SLC30A4: variants seen among roughly 807,000 people sequenced by gnomAD.
The protein encoded by SLC30A4 is probable proton-coupled zinc antiporter SLC30A4.
SLC30A4 carries 20 observed loss-of-function variants against 41.7 expected under a neutral mutation model. The observed-to-expected ratio is 0.48, with a 90% CI of 0.34 to 0.70. The LOEUF (loss-of-function observed/expected upper bound fraction) is 0.70. SLC30A4 is among the 30% of genes least tolerant of loss of function. The pLI, the probability that SLC30A4 is intolerant of heterozygous loss-of-function variation, is 0.01. For missense variants in SLC30A4, 441 were observed against 529.3 expected (o/e 0.83, Z 1.64); for synonymous variants, 181 against 195.9 (o/e 0.92, Z 0.64).
chr15:45,503,948 AAAAT>A (rs759138085), intron 3 of SLC30A4, among the ~76,000 whole-genome samples: 2 of 152,080 alleles, frequency 1.3e-5, no homozygotes, highest in African/African-American at 2.4e-5. Context: ...CTCAGTCTCC[AAAAT>A]AAATAAATAA....
At chr15:45,513,725 G>C (rs1010719894) in intron 2 of SLC30A4, 1 of 152,088 alleles carries the variant, frequency 6.6e-6, no homozygotes, top group African/African-American at 2.4e-5. Context: ...AAACCAACAG[G>C]CCACAATCAC....
At chr15:45,494,217 T>C (rs1202873038) in intron 3 of SLC30A4, among the ~76,000 whole-genome samples, 1 of 152,122 alleles carries the variant, frequency 6.6e-6, no homozygotes, top group Non-Finnish European at 1.5e-5. Context: ...GGGAAGATGA[T>C]AAAAGGCTAT....
intron 4 of SLC30A4, among the ~76,000 whole-genome samples, chr15:45,490,477 G>T (rs1032258760): frequency 6.6e-5 from 10 of 152,086 alleles, no homozygotes; most frequent in African/African-American, 2.4e-4. Flanking sequence ...TAACACAAAA[G>T]TATTCTAAAA....
At chr15:45,492,773 C>T (rs1891834304) in intron 3 of SLC30A4, among the ~76,000 whole-genome samples, 1 of 151,924 alleles carries the variant, frequency 6.6e-6, no homozygotes, top group South Asian at 2.1e-4. Flanking sequence ...TAAATAATCA[C>T]CTGTAAATGC....
At position 45,488,895 on chromosome 15, in the gene SLC30A4, T is replaced by A. The variant is rs777696304; in HGVS notation, c.840A>T (p.Gly280=). ...AVRAAFVHAL[G]DLVQSVGVLI... Reference sequence around the variant, plus strand: ...GCACACCAACACTCTGTACCAAATCTCCCAAAGCATGTACAAATGCAGCTC... The same window carrying A: ...GCACACCAACACTCTGTACCAAATCACCCAAAGCATGTACAAATGCAGCTC... Residue 280 remains glycine (G), a synonymous_variant, in exon 5 of 8, where the codon GGA becomes GGT. Transcript: ENST00000261867. 6.2e-7 allele frequency: 1 copy of A among 1,614,034 alleles called. No homozygotes were observed. The highest frequency in any genetic ancestry group is 8.5e-7 in the Non-Finnish European group (1 of 1,179,988).
chr15:45,506,815 T>C (rs894911663), intron 3 of SLC30A4, among the ~76,000 whole-genome samples: 8 of 152,222 alleles, frequency 5.3e-5, no homozygotes, highest in African/African-American at 1.9e-4. Flanking sequence ...CTTTCATTTT[T>C]TTAGATGACT....
rs145487046 is a variant in SLC30A4 at position 45,493,615 on chromosome 15, C to T, written c.539-2734G>A. Among the ~76,000 whole-genome samples the T allele has an allele frequency of 6.2e-3, 951 of 152,268 alleles. 8 individuals carry two copies. The highest frequency in any genetic ancestry group is 0.022 in the African/African-American group (924 of 41,560). The stretch of plus-strand genomic sequence containing the variant: ...GGCCGAGGCGGGCGGATCACAAGGT[C>T]AGGAGTTCGAGACCAGCCTGGCCAA... On this transcript the variant is annotated intron_variant, in intron 3 of 7. Transcript: ENST00000261867.
At chr15:45,499,081 A>ATTT (rs58257947) in intron 3 of SLC30A4, among the ~76,000 whole-genome samples, 6 of 132,882 alleles carry the variant, frequency 4.5e-5, no homozygotes, top group Admixed American at 1.6e-4. Context: ...GCCTAGGCTG[A>ATTT]TTTTTTTTTT....
intron 5 of SLC30A4, 56 bp from the exon 6 acceptor site, chr15:45,487,688 C>A (rs1014176290): frequency 2.5e-6 from 2 of 811,496 alleles, no homozygotes; most frequent in South Asian, 1.5e-5. Context: ...AAACAGACTG[C>A]AAAGCAAAGC....
intron 2 of SLC30A4, among the ~76,000 whole-genome samples, chr15:45,516,594 T>A (rs1455515023): frequency 6.6e-6 from 1 of 152,102 alleles, no homozygotes; most frequent in Non-Finnish European, 1.5e-5. Context: ...AGAGGCCAGG[T>A]ATGGTGGCTC....
chr15:45,500,724 C>T (rs145671883), intron 3 of SLC30A4, among the ~76,000 whole-genome samples: 322 of 150,946 alleles, frequency 2.1e-3, no homozygotes, highest in Non-Finnish European at 3.2e-3. Flanking sequence ...CTCTTGTTGC[C>T]CAGGCTGGAA....
rs992259324 is a variant in SLC30A4 at position 45,481,825 on chromosome 15, T to C, written c.*3338A>G. On this transcript the variant is annotated 3_prime_UTR_variant, in exon 8 of 8. Coordinates refer to ENST00000261867, the MANE Select transcript of SLC30A4 (RefSeq NM_013309.6). ...AAATTCTCAAATCTCATAGACTCCG[T>C]AAGGTAAAGATACAAACTATGTACT... 6.6e-6 allele frequency: 1 copy of C among 152,144 alleles called. No homozygotes were observed. Among genetic ancestry groups the C allele is most frequent in the Non-Finnish European group, 1.5e-5 (1 of 68,018 alleles). The allele number at this position is 152,144 out of a possible 1,614,324, so 9.4% of individuals were successfully genotyped here. A position where few individuals can be genotyped will look rare whatever the true frequency, so the allele number is the denominator to read the frequency against.
intron 4 of SLC30A4, among the ~76,000 whole-genome samples, chr15:45,490,173 T>C (rs373811651): frequency 3.9e-5 from 6 of 152,154 alleles, no homozygotes; most frequent in East Asian, 3.9e-4. Context: ...CTCAATGCAG[T>C]CTTGATTGCC....
intron 2 of SLC30A4, among the ~76,000 whole-genome samples, chr15:45,517,011 A>G (rs925555293): frequency 6.6e-6 from 1 of 151,936 alleles, no homozygotes; most frequent in African/African-American, 2.4e-5. Context: ...GTTTATATAC[A>G]CTCTCAATTA....
chr15:45,509,265 T>G (rs1892226728), intron 3 of SLC30A4, among the ~76,000 whole-genome samples: 4 of 151,606 alleles, frequency 2.6e-5, no homozygotes, highest in Middle Eastern at 3.4e-3. Context: ...TTTTTTTTTT[T>G]TGAGAGAGAC....
At chr15:45,502,671 A>T (rs1892063174) in intron 3 of SLC30A4, 1 of 152,396 alleles carries the variant, frequency 6.6e-6, no homozygotes, top group Non-Finnish European at 1.5e-5. Context: ...TATGAGCCAC[A>T]GTGCCTGGAC....
chr15:45,522,093 G>GT lies in SLC30A4; in HGVS notation c.261_262insA (p.Leu88ThrfsTer9). 1 of 1,614,226 alleles carries GT rather than the reference G, an allele frequency of 6.2e-7. No homozygotes were observed. Among genetic ancestry groups the GT allele is most frequent in the Non-Finnish European group, 8.5e-7 (1 of 1,180,046 alleles). ...TCACAGGAGTCCACCTTCAAACTCA[G>GT]CTGACTGTTGGTCAAAGGTAAGTCT... On this transcript the variant is annotated frameshift_variant, in exon 2 of 8. Coordinates refer to ENST00000261867, the MANE Select transcript of SLC30A4 (RefSeq NM_013309.6). LOFTEE classifies it high-confidence loss of function.
intron 3 of SLC30A4, among the ~76,000 whole-genome samples, chr15:45,506,486 T>C (rs951701994): frequency 6.6e-6 from 1 of 152,144 alleles, no homozygotes; most frequent in African/African-American, 2.4e-5. Flanking sequence ...TCTCTCCCCA[T>C]AGAACTTCAA....
At chr15:45,505,484 A>C (rs1246826010) in intron 3 of SLC30A4, among the ~76,000 whole-genome samples, 1 of 152,208 alleles carries the variant, frequency 6.6e-6, no homozygotes, top group Admixed American at 6.5e-5. Context: ...CTGCTTCCTC[A>C]TGCAGAATCC....
Sources: gnomAD v4.1 joint callset for allele counts (sites outside exome capture counted in the v4.1 genomes callset) on GRCh38, gnomAD v4.1.1 for gene constraint, MANE v1.5 for transcripts, NCBI Gene and HGNC (gene_info 2026-07-23, HGNC 2026-07-21) for gene names.